The following NKAIN3 variants were observed in gnomAD, a reference collection of about 807,000 sequenced individuals.
NKAIN3 encodes the protein sodium/potassium-transporting ATPase subunit beta-1-interacting protein 3.
Under a neutral mutation model 30.2 loss-of-function variants are expected in NKAIN3, and 25 were observed. The observed-to-expected ratio is 0.83, with a 90% CI of 0.60 to 1.16. The LOEUF is 1.16. Among genes scored for constraint, NKAIN3 ranks in the 50% most tolerant of loss-of-function variants. The pLI, the probability that NKAIN3 is intolerant of heterozygous loss-of-function variation, is 0.00. For synonymous variants in NKAIN3, 91 were observed against 89.6 expected (o/e 1.02, Z -0.09); for missense variants, 225 against 254.1 (o/e 0.89, Z 0.78).
chr8:62,804,779 T>C (rs1457987786), intron 4 of NKAIN3, among the ~76,000 whole-genome samples: 2 of 152,222 alleles, frequency 1.3e-5, no homozygotes, highest in Non-Finnish European at 2.9e-5. Flanking sequence ...CTATTCAACA[T>C]AGTGTTGGAA....
At position 62,412,987 on chromosome 8, in the gene NKAIN3, C is replaced by T. The variant is rs75673319; in HGVS notation, c.54+163860C>T. 5.5e-3 allele frequency among the ~76,000 whole-genome samples: 812 copies of T among 146,794 alleles called. 5 individuals carry two copies. Among genetic ancestry groups the T allele is most frequent in the African/African-American group, 0.019 (767 of 39,940 alleles). On this transcript the variant is annotated intron_variant, in intron 1 of 6. Coordinates refer to ENST00000623646, the MANE Select transcript of NKAIN3 (RefSeq NM_001304533.3). ...ACCTCATGAAAACATGGGGAAAGAA[C>T]ATGAACAGAAACTTCTCTAAAGAAG...
chr8:62,299,766 T>C (rs2129587861), intron 1 of NKAIN3, among the ~76,000 whole-genome samples: 1 of 152,270 alleles, frequency 6.6e-6, no homozygotes, highest in South Asian at 2.1e-4. Flanking sequence ...ATTTTAGTTA[T>C]GCTTAGAAAC....
chr8:62,847,440 A>G (rs1289049755), intron 4 of NKAIN3, among the ~76,000 whole-genome samples: 1 of 152,098 alleles, frequency 6.6e-6, no homozygotes, highest in African/African-American at 2.4e-5. Context: ...CATCAGTGAT[A>G]GTGAGCTCTT....
intron 1 of NKAIN3, among the ~76,000 whole-genome samples, chr8:62,265,874 G>C (rs1812584760): frequency 6.6e-6 from 1 of 152,152 alleles, no homozygotes; most frequent in South Asian, 2.1e-4. Context: ...GTATCTGAAA[G>C]TTAGTGGCCT....
intron 4 of NKAIN3, among the ~76,000 whole-genome samples, chr8:62,765,814 TC>T (rs1159346663): frequency 3.3e-5 from 5 of 152,130 alleles, no homozygotes; most frequent in Admixed American, 1.3e-4. Context: ...TGAATTTTTT[TC>T]ATCTATTAAA....
At chr8:62,777,306 T>C (rs1178042800) in intron 4 of NKAIN3, among the ~76,000 whole-genome samples, 2 of 152,172 alleles carry the variant, frequency 1.3e-5, no homozygotes, top group South Asian at 2.1e-4. Context: ...TCTGTCTACC[T>C]CCACTTTACA....
intron 4 of NKAIN3, among the ~76,000 whole-genome samples, chr8:62,763,381 C>T (rs891661680): frequency 3.3e-5 from 5 of 151,696 alleles, no homozygotes; most frequent in Admixed American, 6.6e-5. Context: ...TGGCTTAAAG[C>T]AATTAGTGTG....
At chr8:62,918,088 T>C (rs1280758274) in intron 4 of NKAIN3, among the ~76,000 whole-genome samples, 1 of 151,720 alleles carries the variant, frequency 6.6e-6, no homozygotes, top group African/African-American at 2.4e-5. Context: ...TTAAAATAGT[T>C]ATAGTTAATT....
At chr8:62,611,444 C>T (rs145576953) in intron 3 of NKAIN3, among the ~76,000 whole-genome samples, 274 of 152,220 alleles carry the variant, frequency 1.8e-3, no homozygotes, top group African/African-American at 6.4e-3. Flanking sequence ...CCACTTCCCC[C>T]CATCAGACTC....
At chr8:62,695,404 C>T (rs536605680) in intron 3 of NKAIN3, among the ~76,000 whole-genome samples, 1 of 152,062 alleles carries the variant, frequency 6.6e-6, no homozygotes, top group Non-Finnish European at 1.5e-5. Context: ...TGCATGGGAT[C>T]GGTTAAACGG....
chr8:62,569,379 C>T (rs1439306561), intron 1 of NKAIN3, among the ~76,000 whole-genome samples: 10 of 152,120 alleles, frequency 6.6e-5, no homozygotes, highest in Non-Finnish European at 1.3e-4. Flanking sequence ...GCTTCATCAA[C>T]CTCAAGCATG....
At position 62,640,669 on chromosome 8, in the gene NKAIN3, T is replaced by C. The variant is rs112716702; in HGVS notation, c.273+50875T>C. Among the ~76,000 whole-genome samples the C allele has an allele frequency of 6.2e-3, 937 of 152,216 alleles. 9 individuals are homozygous for C. Among genetic ancestry groups the C allele is most frequent in the African/African-American group, 0.021 (855 of 41,552 alleles). On this transcript the variant is annotated intron_variant, in intron 3 of 6. Transcript: ENST00000623646. ...AAGAGGTATTCATAGAAATCATTGCTCTTTTTCCTCTGCGCGCACCCAGCC... is the reference window on the plus strand; with the variant it reads ...AAGAGGTATTCATAGAAATCATTGCCCTTTTTCCTCTGCGCGCACCCAGCC...
At chr8:62,451,535 C>T (rs1465747056) in intron 1 of NKAIN3, among the ~76,000 whole-genome samples, 1 of 152,088 alleles carries the variant, frequency 6.6e-6, no homozygotes, top group African/African-American at 2.4e-5. Flanking sequence ...AATCTCTTTC[C>T]AAACTCATGC....
At chr8:62,258,373 A>G (rs756018067) in intron 1 of NKAIN3, among the ~76,000 whole-genome samples, 3 of 152,214 alleles carry the variant, frequency 2.0e-5, no homozygotes, top group Admixed American at 6.5e-5. Context: ...TTGGCTGGGC[A>G]TAGTGTCTCA....
At position 62,555,009 on chromosome 8, in the gene NKAIN3, TATACACAC is replaced by T. The variant is rs1163482245; in HGVS notation, c.55-24528_55-24521del. ...CTATGCTGTCACAAATGGCAGAATC[TATACACAC>T]ACACACACACACACACACACACACA... On this transcript the variant is annotated intron_variant, in intron 1 of 6. Transcript: ENST00000623646. Among the ~76,000 whole-genome samples, 13 of 104,624 alleles carry T rather than the reference TATACACAC, an allele frequency of 1.2e-4. No homozygotes were observed. In the East Asian group the frequency reaches 1.8e-3, roughly 15 times the overall value. 68.6% of individuals were successfully genotyped at this position (104,624 alleles called of 152,430 possible). A position where few individuals can be genotyped will look rare whatever the true frequency, so the allele number is the denominator to read the frequency against.
intron 1 of NKAIN3, among the ~76,000 whole-genome samples, chr8:62,296,108 G>C (rs1252160555): frequency 1.3e-5 from 2 of 152,136 alleles, no homozygotes; most frequent in African/African-American, 4.8e-5. Flanking sequence ...GTAATTCCAC[G>C]TGGACCTAAA....
chr8:62,431,777 G>A (rs1246618963), intron 1 of NKAIN3, among the ~76,000 whole-genome samples: 2 of 150,428 alleles, frequency 1.3e-5, no homozygotes, highest in African/African-American at 4.9e-5. Context: ...CCAGTCGGTA[G>A]TAACAAGAAC....
chr8:62,918,046 C>T (rs1256284642), intron 4 of NKAIN3, among the ~76,000 whole-genome samples: 2 of 152,166 alleles, frequency 1.3e-5, no homozygotes, highest in African/African-American at 4.8e-5. Context: ...TTATAAGCAA[C>T]ATGTTTTGAT....
intron 4 of NKAIN3, among the ~76,000 whole-genome samples, chr8:62,812,010 C>A (rs1818503210): frequency 6.6e-6 from 1 of 151,866 alleles, no homozygotes; most frequent in African/African-American, 2.4e-5. Flanking sequence ...TCATGTCGAG[C>A]AAATTTTTGA....
Sources: allele counts gnomAD v4.1 joint callset (sites outside exome capture counted in the v4.1 genomes callset), GRCh38; gene constraint gnomAD v4.1.1; transcripts MANE v1.5; gene names NCBI Gene and HGNC (gene_info 2026-07-23, HGNC 2026-07-21).